CDH7: variants seen among roughly 807,000 people sequenced by gnomAD.
CDH7 encodes the protein cadherin-7.
In CDH7, 25 loss-of-function variants were observed where a neutral mutation model predicts 71.8. The ratio of observed to expected loss-of-function variants is 0.35; its 90% confidence interval spans 0.25 to 0.49. The LOEUF (loss-of-function observed/expected upper bound fraction) is 0.49, where lower values mean the gene tolerates loss of function less well. CDH7 is among the 20% of genes least tolerant of loss of function. The pLI, the probability that CDH7 is intolerant of heterozygous loss-of-function variation, is 0.99. For missense variants in CDH7, 862 were observed against 974.6 expected (o/e 0.88, Z 1.54); for synonymous variants, 381 against 363.8 (o/e 1.05, Z -0.54).
chr18:65,837,273 C>T (rs961053788), intron 6 of CDH7, among the ~76,000 whole-genome samples: 1 of 152,098 alleles, frequency 6.6e-6, no homozygotes, highest in Non-Finnish European at 1.5e-5. Flanking sequence ...GAGAGAGAAA[C>T]GAGACTCAGT....
intron 1 of CDH7, among the ~76,000 whole-genome samples, chr18:65,755,730 T>G (rs1471793668): frequency 6.6e-6 from 1 of 152,164 alleles, no homozygotes; most frequent in Admixed American, 6.5e-5. Context: ...CAACAATGAA[T>G]AAGTACTATC....
rs141602963 is a variant in CDH7 at position 65,760,318 on chromosome 18, G to A, written c.-196-2329G>A. 3.8e-3 allele frequency among the ~76,000 whole-genome samples: 573 copies of A among 152,184 alleles called. 3 individuals carry two copies. Among genetic ancestry groups the A allele is most frequent in the African/African-American group, 0.012 (482 of 41,528 alleles). ...TAGAATTTAACTTATTCAAGATTACGTAGTTAAGACATGACTGACCCAGAA... is the reference window on the plus strand; with the variant it reads ...TAGAATTTAACTTATTCAAGATTACATAGTTAAGACATGACTGACCCAGAA... On this transcript the variant is annotated intron_variant, in intron 1 of 11. Coordinates refer to ENST00000397968, the MANE Select transcript of CDH7 (RefSeq NM_004361.5).
At chr18:65,793,486 T>G (rs1025642166) in intron 2 of CDH7, among the ~76,000 whole-genome samples, 4 of 152,050 alleles carry the variant, frequency 2.6e-5, no homozygotes, top group Admixed American at 6.6e-5. Context: ...TTTATTTCTA[T>G]TTTATTACAA....
chr18:65,792,815 A>T (rs1910761534), intron 2 of CDH7, among the ~76,000 whole-genome samples: 1 of 152,206 alleles, frequency 6.6e-6, no homozygotes, highest in African/African-American at 2.4e-5. Flanking sequence ...ATACCCAATT[A>T]CATCAAGCAT....
chr18:65,817,843 A>G (rs1911775888), intron 4 of CDH7, among the ~76,000 whole-genome samples: 1 of 152,216 alleles, frequency 6.6e-6, no homozygotes, highest in South Asian at 2.1e-4. Context: ...ATTATCATCA[A>G]AGGATATTTT....
chr18:65,767,184 A>G (rs1916404567), intron 2 of CDH7, among the ~76,000 whole-genome samples: 1 of 151,744 alleles, frequency 6.6e-6, no homozygotes, highest in Non-Finnish European at 1.5e-5. Context: ...ATACACAGAA[A>G]TGCAGTTTGC....
At chr18:65,854,815 T>C (rs994894715) in intron 7 of CDH7, among the ~76,000 whole-genome samples, 16 of 152,114 alleles carry the variant, frequency 1.1e-4, no homozygotes, top group African/African-American at 3.9e-4. Context: ...TATCAAACAT[T>C]AATATCAGTT....
intron 2 of CDH7, among the ~76,000 whole-genome samples, chr18:65,781,106 G>A (rs1910168980): frequency 6.6e-6 from 1 of 151,948 alleles, no homozygotes. Flanking sequence ...GTTGGAATAG[G>A]AAGAATTGCA....
intron 7 of CDH7, among the ~76,000 whole-genome samples, chr18:65,850,580 T>TTATTA (rs1913112593): frequency 6.8e-6 from 1 of 147,752 alleles, no homozygotes; most frequent in African/African-American, 2.5e-5. Context: ...CTGCAGAGGT[T>TTATTA]TTATTATTAT....
intron 2 of CDH7, among the ~76,000 whole-genome samples, chr18:65,781,820 T>TTCCTTCTTTC: frequency 8.6e-5 from 5 of 58,354 alleles, no homozygotes; most frequent in Admixed American, 1.6e-4. Context: ...CCTTCCTTCC[T>TTCCTTCTTTC]TCTTTCTTTC....
intron 2 of CDH7, among the ~76,000 whole-genome samples, chr18:65,809,381 G>T (rs764425619): frequency 1.3e-5 from 2 of 152,190 alleles, no homozygotes; most frequent in African/African-American, 2.4e-5. Context: ...CTGAATGCCT[G>T]CTCTGTTCAA....
intron 4 of CDH7, among the ~76,000 whole-genome samples, chr18:65,817,741 T>C (rs1220208927): frequency 6.6e-6 from 1 of 152,228 alleles, no homozygotes; most frequent in African/African-American, 2.4e-5. Context: ...ATATTTGATT[T>C]ACTGATAAAT....
intron 2 of CDH7, among the ~76,000 whole-genome samples, chr18:65,772,747 C>T (rs190924270): frequency 1.2e-4 from 19 of 152,122 alleles, no homozygotes; most frequent in African/African-American, 4.6e-4. Context: ...CAGTTTAAAG[C>T]TTGCTATTAA....
chr18:65,880,812 A>G lies in CDH7; in HGVS notation c.2276A>G (p.Tyr759Cys), dbSNP rs139608003. 4.3e-6 allele frequency: 7 copies of G among 1,614,038 alleles called. No individual in the cohort carries two copies. In the South Asian group the frequency reaches 4.4e-5, roughly 10 times the overall value. Residue 759 changes from tyrosine to cysteine, a missense_variant, in exon 12 of 12, where the codon TAT becomes TGT. Tyr to Cys is a radical substitution (Grantham distance 194, BLOSUM62 -2). Transcript: ENST00000397968. The stretch of plus-strand genomic sequence containing the variant: ...ATCAGCTCAAACTCTGATCAGAACT[A>G]TGACTACCTAAGTGACTGGGGACCT... ...DSISSNSDQN[Y>C]DYLSDWGPRF...
chr18:65,830,715 TTC>T (rs1419228492), intron 6 of CDH7, among the ~76,000 whole-genome samples: 6 of 91,184 alleles, frequency 6.6e-5, no homozygotes, highest in African/African-American at 1.8e-4. Flanking sequence ...TTTTTCTTCT[TTC>T]TCTCTCTCTC....
rs1914240848 is a variant in CDH7 at position 65,881,845 on chromosome 18, G to C, written c.*951G>C. On this transcript the variant is annotated 3_prime_UTR_variant, in exon 12 of 12. Transcript: ENST00000397968. ...ATGGAAATGGAGAACTAATAGTAAA[G>C]CAATTGAGCCCTGTTGCAGGTCACA... 6.6e-6 allele frequency: 1 copy of C among 152,126 alleles called. No homozygotes were observed. The highest frequency in any genetic ancestry group is 2.4e-5 in the African/African-American group (1 of 41,442). The allele number at this position is 152,126 out of a possible 1,614,324, so 9.4% of individuals were successfully genotyped here.
intron 1 of CDH7, among the ~76,000 whole-genome samples, chr18:65,761,292 G>A (rs894888785): frequency 1.3e-5 from 2 of 151,924 alleles, no homozygotes; most frequent in Non-Finnish European, 2.9e-5. Context: ...TCATGTGAAC[G>A]ATTTAAAAAT....
In CDH7 at chr18:65,888,277, G is replaced by A. The variant is rs1455174857; in HGVS notation, c.*7383G>A. The A allele has an allele frequency of 5.3e-5, 8 of 152,178 alleles. No individual in the cohort carries two copies. The highest frequency in any genetic ancestry group is 1.0e-4 in the Non-Finnish European group (7 of 68,038). 9.4% of individuals were successfully genotyped at this position (152,178 alleles called of 1,614,324 possible). A position where few individuals can be genotyped will look rare whatever the true frequency, so the allele number is the denominator to read the frequency against. On this transcript the variant is annotated 3_prime_UTR_variant, in exon 12 of 12. Transcript: ENST00000397968. ...TGGAATAAGTGTAGGAAGACAAGCC[G>A]TGAGAATGTGAGACCTCAGTATATT...
intron 7 of CDH7, among the ~76,000 whole-genome samples, chr18:65,845,658 C>T (rs1359506139): frequency 6.6e-6 from 1 of 151,930 alleles, no homozygotes; most frequent in Non-Finnish European, 1.5e-5. Flanking sequence ...TTGGTTTCTG[C>T]TTGAATCATT....
Sources: allele counts gnomAD v4.1 joint callset (sites outside exome capture counted in the v4.1 genomes callset), GRCh38; gene constraint gnomAD v4.1.1; transcripts MANE v1.5; gene names NCBI Gene and HGNC (gene_info 2026-07-23, HGNC 2026-07-21).